Variants in SOX6 observed in about 807,000 individuals in gnomAD.
SOX6 encodes the protein transcription factor SOX-6.
Under a neutral mutation model 97.8 loss-of-function variants are expected in SOX6, and 11 were observed. The ratio of observed to expected loss-of-function variants is 0.11; its 90% CI spans 0.07 to 0.19. The LOEUF is 0.19. Among genes scored for constraint, SOX6 ranks in the 10% least tolerant of loss-of-function variants. The pLI, the probability that SOX6 is intolerant of heterozygous loss-of-function variation, is 1.00. For missense variants in SOX6, 810 were observed against 1,039.5 expected (o/e 0.78, Z 3.04); for synonymous variants, 360 against 371.4 (o/e 0.97, Z 0.35).
intron 3 of SOX6, among the ~76,000 whole-genome samples, chr11:16,713,328 T>C (rs758305793): frequency 6.6e-6 from 1 of 152,152 alleles, no homozygotes; most frequent in Non-Finnish European, 1.5e-5. Flanking sequence ...TACTAAATTG[T>C]TTTTAAAAGA....
At chr11:16,544,755 G>T (rs1231107962) in intron 4 of SOX6, among the ~76,000 whole-genome samples, 3 of 151,760 alleles carry the variant, frequency 2.0e-5, no homozygotes, top group African/African-American at 7.3e-5. Flanking sequence ...CAAAGAAGCA[G>T]AAAAATATGA....
chr11:16,586,669 G>A (rs769386195), intron 4 of SOX6, among the ~76,000 whole-genome samples: 9 of 152,134 alleles, frequency 5.9e-5, no homozygotes, highest in Non-Finnish European at 1.2e-4. Context: ...GCAGTGAGCT[G>A]TAATCACACC....
chr11:16,021,053 C>G (rs1241400852), intron 12 of SOX6, among the ~76,000 whole-genome samples: 6 of 151,770 alleles, frequency 4.0e-5, no homozygotes, highest in Non-Finnish European at 4.4e-5. Flanking sequence ...TAGAAGAGCA[C>G]AATAGAAAAA....
chr11:15,987,711 C>A (rs1346653859), intron 14 of SOX6, among the ~76,000 whole-genome samples: 2 of 122,602 alleles, frequency 1.6e-5, no homozygotes, highest in African/African-American at 2.9e-5. Context: ...TTTAGAATGT[C>A]ATTTAACTAG....
intron 1 of SOX6, among the ~76,000 whole-genome samples, chr11:16,449,277 C>CTTTTTTTTTTTTTTTTTT (rs10611823): frequency 3.2e-5 from 2 of 62,906 alleles, no homozygotes; most frequent in African/African-American, 1.4e-4. Flanking sequence ...AATGCTCCTT[C>CTTTTTTTTTTTTTTTTTT]TTTTTTTTTT....
At chr11:15,987,765 G>A (rs1435274255) in intron 14 of SOX6, among the ~76,000 whole-genome samples, 1 of 146,028 alleles carries the variant, frequency 6.8e-6, no homozygotes, top group Admixed American at 6.9e-5. Flanking sequence ...TGGTTTGAAA[G>A]ATATTTAAAT....
Position 16,300,698 on chromosome 11 carries a change from C to A in SOX6, c.445+17748G>T, listed in dbSNP as rs935425677. On this transcript the variant is annotated intron_variant, in intron 3 of 15. Coordinates refer to ENST00000683767, the MANE Select transcript of SOX6 (RefSeq NM_001367873.1). The surrounding 1 kb of genome is among the most constrained non-coding windows in gnomAD (Gnocchi z 4.1). ...GGCTAACGAAAACTGAAGTTCATCA[C>A]CAGAGAAACCTGCGGCTGTTCACCT... is the stretch of plus-strand genomic sequence containing the variant. Among the ~76,000 whole-genome samples, 22 of 152,180 alleles carry A rather than the reference C, an allele frequency of 1.4e-4. No individual in the cohort carries two copies. Among genetic ancestry groups the A allele is most frequent in the Admixed American group, 1.2e-3 (18 of 15,284 alleles).
At chr11:16,668,254 T>C (rs1425818385) in intron 3 of SOX6, among the ~76,000 whole-genome samples, 3 of 148,472 alleles carry the variant, frequency 2.0e-5, no homozygotes, top group Admixed American at 6.7e-5. Context: ...ATGCCTGTAG[T>C]CCCAACTACT....
At chr11:16,019,676 C>T (rs972812519) in intron 12 of SOX6, among the ~76,000 whole-genome samples, 3 of 151,936 alleles carry the variant, frequency 2.0e-5, no homozygotes, top group African/African-American at 7.2e-5. Context: ...TGGTATGATT[C>T]TTTCTTAGGT....
chr11:16,499,106 G>A (rs559903988), intron 4 of SOX6, among the ~76,000 whole-genome samples: 4 of 152,246 alleles, frequency 2.6e-5, no homozygotes, highest in Admixed American at 2.0e-4. Flanking sequence ...ATAACAAACT[G>A]TCTCTCAGAC....
At chr11:16,388,355 A>G (rs1370855759) in intron 1 of SOX6, among the ~76,000 whole-genome samples, 1 of 152,082 alleles carries the variant, frequency 6.6e-6, no homozygotes, top group African/African-American at 2.4e-5. Flanking sequence ...ATGACCATGA[A>G]GGATATTGGT....
In SOX6 at chr11:15,970,607, A is replaced by C. The variant is rs1321052991; in HGVS notation, c.*2202T>G. ...CTCCTCATTTGAAATAAATGTACAA[A>C]AACAAATTTCTAATCCCCAACCAAC... On this transcript the variant is annotated 3_prime_UTR_variant, in exon 16 of 16. Coordinates refer to ENST00000683767, the MANE Select transcript of SOX6 (RefSeq NM_001367873.1). The C allele has an allele frequency of 2.0e-5, 3 of 152,636 alleles. No individual in the cohort carries two copies. The highest frequency in any genetic ancestry group is 1.5e-5 in the Non-Finnish European group (1 of 68,044). The allele number at this position is 152,636 out of a possible 1,614,324, so 9.5% of individuals were successfully genotyped here.
chr11:16,659,593 T>C (rs899234542), intron 3 of SOX6, among the ~76,000 whole-genome samples: 6 of 152,236 alleles, frequency 3.9e-5, no homozygotes, highest in African/African-American at 1.4e-4. Flanking sequence ...TGGGATTGCA[T>C]TGACTCCATA....
intron 6 of SOX6, among the ~76,000 whole-genome samples, chr11:16,168,183 G>T (rs1031916458): frequency 5.9e-5 from 9 of 152,160 alleles, no homozygotes; most frequent in African/African-American, 2.2e-4. Context: ...GACATAACAT[G>T]AATCTAATGT....
chr11:16,530,182 A>C (rs1861219871), intron 4 of SOX6, among the ~76,000 whole-genome samples: 1 of 152,042 alleles, frequency 6.6e-6, no homozygotes, highest in Non-Finnish European at 1.5e-5. Context: ...CTAATCTTTA[A>C]ATGAGACAAC....
intron 4 of SOX6, among the ~76,000 whole-genome samples, chr11:16,219,131 C>CCAA (rs906263350): frequency 6.6e-6 from 1 of 151,972 alleles, no homozygotes; most frequent in African/African-American, 2.4e-5. Context: ...CTAAGAGCTA[C>CCAA]CAACTTGTGT....
chr11:16,486,981 G>C (rs1362883624), intron 4 of SOX6, among the ~76,000 whole-genome samples: 1 of 151,968 alleles, frequency 6.6e-6, no homozygotes, highest in Non-Finnish European at 1.5e-5. Context: ...CTGAGAATTG[G>C]CCCATGAATC....
chr11:16,032,069 T>A (rs1041944688), intron 12 of SOX6, among the ~76,000 whole-genome samples: 3 of 152,144 alleles, frequency 2.0e-5, no homozygotes, highest in African/African-American at 7.2e-5. Context: ...AAAATAAATT[T>A]TCATCTCCGT....
chr11:16,351,472 A>G (rs975060596), intron 1 of SOX6, among the ~76,000 whole-genome samples: 7 of 152,016 alleles, frequency 4.6e-5, no homozygotes, highest in African/African-American at 1.2e-4. Flanking sequence ...CCACCAAATC[A>G]ATCTTAACTG....
Sources: allele counts gnomAD v4.1 joint callset (sites outside exome capture counted in the v4.1 genomes callset), GRCh38; gene constraint gnomAD v4.1.1; non-coding constraint Gnocchi (gnomAD v3.1); transcripts MANE v1.5; gene names NCBI Gene and HGNC (gene_info 2026-07-23, HGNC 2026-07-21).